TTC28: variants seen among roughly 807,000 people sequenced by gnomAD.
TTC28 encodes the protein tetratricopeptide repeat protein 28.
Under a neutral mutation model 198.0 loss-of-function variants are expected in TTC28, and 61 were observed. The observed-to-expected ratio is 0.31, with a 90% CI of 0.25 to 0.38. TTC28 has a LOEUF of 0.38. Ranked by LOEUF, TTC28 falls within the 10% of genes least tolerant of loss-of-function variation. The pLI, the probability that TTC28 is intolerant of heterozygous loss-of-function variation, is 1.00. For missense variants in TTC28, 2,678 were observed against 3,164.0 expected (o/e 0.85, Z 3.69); for synonymous variants, 1,171 against 1,297.8 (o/e 0.90, Z 2.10).
chr22:28,399,405 C>G (rs1250100643), intron 2 of TTC28, among the ~76,000 whole-genome samples: 1 of 150,648 alleles, frequency 6.6e-6, no homozygotes, highest in Non-Finnish European at 1.5e-5. Flanking sequence ...CAGTCTTGAC[C>G]TCCCAGGCTC....
chr22:28,296,340 T>TA lies in TTC28; in HGVS notation c.803-13_803-12insT. The TA allele has an allele frequency of 1.3e-6, 2 of 1,493,058 alleles. No homozygotes were observed. The highest frequency in any genetic ancestry group is 2.5e-5 in the East Asian group (1 of 40,432). The allele number at this position is 1,493,058 out of a possible 1,614,324, so 92.5% of individuals were successfully genotyped here. The stretch of plus-strand genomic sequence containing the variant: ...TCCTGTCTGGTCACCTGGATTGAAT[T>TA]GAGAAAAAAAAAAAGAAAAAATTTC... On this transcript the variant is annotated splice_polypyrimidine_tract_variant and intron_variant, in intron 4 of 22. Transcript: ENST00000397906.
At chr22:28,129,142 C>A (rs1000455027) in intron 6 of TTC28, among the ~76,000 whole-genome samples, 2 of 152,176 alleles carry the variant, frequency 1.3e-5, no homozygotes, top group Non-Finnish European at 2.9e-5. Context: ...CCAATGACAG[C>A]AATCTCAAAG....
At chr22:28,136,968 A>G (rs140635755) in intron 6 of TTC28, among the ~76,000 whole-genome samples, 140 of 152,310 alleles carry the variant, frequency 9.2e-4, no homozygotes, top group Middle Eastern at 3.4e-3. Context: ...TTCCACTGGA[A>G]AACAAGTATA....
At chr22:28,329,111 C>T (rs919164104) in intron 2 of TTC28, among the ~76,000 whole-genome samples, 1 of 152,104 alleles carries the variant, frequency 6.6e-6, no homozygotes, top group African/African-American at 2.4e-5. Flanking sequence ...CATGCTGCAT[C>T]CGACTTTCTT....
chr22:28,032,222 TATATATATATAAA>T (rs1177725883), intron 12 of TTC28, among the ~76,000 whole-genome samples: 14 of 122,446 alleles, frequency 1.1e-4, no homozygotes, highest in East Asian at 6.8e-4. Flanking sequence ...ATATATAAAA[TATATATATATAAA>T]ATATATATAT....
At chr22:28,021,168 C>T (rs1370056123) in intron 13 of TTC28, among the ~76,000 whole-genome samples, 2 of 152,174 alleles carry the variant, frequency 1.3e-5, no homozygotes, top group Admixed American at 6.5e-5. Flanking sequence ...CTGGCTCAAG[C>T]CTGAAGATGA....
intron 14 of TTC28, among the ~76,000 whole-genome samples, chr22:28,004,700 C>T (rs1937864128): frequency 6.6e-6 from 1 of 152,140 alleles, no homozygotes; most frequent in African/African-American, 2.4e-5. Flanking sequence ...TGACAGCTGC[C>T]GTTCAAAGGG....
intron 13 of TTC28, among the ~76,000 whole-genome samples, chr22:28,024,693 T>C (rs1447695091): frequency 6.6e-6 from 1 of 152,180 alleles, no homozygotes; most frequent in Non-Finnish European, 1.5e-5. Flanking sequence ...CTTGGGGCAA[T>C]TCACCTTGCT....
In TTC28 at chr22:28,321,581, C is replaced by T. The variant is rs532622654; in HGVS notation, c.382-14938G>A. On this transcript the variant is annotated intron_variant, in intron 2 of 22. Transcript: ENST00000397906. Reference sequence around the variant, plus strand: ...TGATTTGGGGCAAGTTTTGTAACCACCTCTTTTGTGCAATAGTCATCATAA... The same window carrying T: ...TGATTTGGGGCAAGTTTTGTAACCATCTCTTTTGTGCAATAGTCATCATAA... 4.6e-5 allele frequency among the ~76,000 whole-genome samples: 7 copies of T among 152,232 alleles called. No individual in the cohort carries two copies. In the East Asian group the frequency reaches 1.4e-3, roughly 29 times the overall value.
intron 1 of TTC28, among the ~76,000 whole-genome samples, chr22:28,675,014 T>C (rs569585241): frequency 4.6e-5 from 7 of 152,102 alleles, no homozygotes; most frequent in Non-Finnish European, 7.4e-5. Flanking sequence ...AATGAAACAG[T>C]GTAGTACTGG....
intron 12 of TTC28, among the ~76,000 whole-genome samples, chr22:28,062,340 C>T (rs1028068804): frequency 6.6e-6 from 1 of 151,538 alleles, no homozygotes; most frequent in South Asian, 2.1e-4. Context: ...GGACTACAGG[C>T]ATGAGCTGCT....
intron 2 of TTC28, among the ~76,000 whole-genome samples, chr22:28,587,876 T>C (rs2050344934): frequency 2.0e-5 from 3 of 152,052 alleles, no homozygotes; most frequent in Admixed American, 2.0e-4. Context: ...GTGCAGTGGC[T>C]CAAGCCTGTA....
At chr22:28,464,092 G>A (rs2047986479) in intron 2 of TTC28, among the ~76,000 whole-genome samples, 2 of 152,094 alleles carry the variant, frequency 1.3e-5, no homozygotes, top group South Asian at 4.1e-4. Flanking sequence ...AATTACAACA[G>A]CACCAGTAAG....
At chr22:28,111,138 T>C (rs893827932) in intron 6 of TTC28, among the ~76,000 whole-genome samples, 4 of 152,158 alleles carry the variant, frequency 2.6e-5, no homozygotes, top group Non-Finnish European at 5.9e-5. Flanking sequence ...AATTGTAGTT[T>C]TTTTTGTCTT....
intron 2 of TTC28, among the ~76,000 whole-genome samples, chr22:28,472,792 C>T (rs2146303533): frequency 6.6e-6 from 1 of 151,862 alleles, no homozygotes; most frequent in East Asian, 1.9e-4. Flanking sequence ...TAGAAAAGGC[C>T]CACCAAGTGA....
At chr22:28,181,261 A>C (rs1463495177) in intron 5 of TTC28, among the ~76,000 whole-genome samples, 2 of 152,242 alleles carry the variant, frequency 1.3e-5, no homozygotes, top group Non-Finnish European at 2.9e-5. Context: ...CACAGCATTA[A>C]TACAGCAATG....
intron 2 of TTC28, among the ~76,000 whole-genome samples, chr22:28,594,503 G>C (rs565728654): frequency 6.8e-6 from 1 of 148,062 alleles, no homozygotes; most frequent in Non-Finnish European, 1.5e-5. Flanking sequence ...TTATCCTTTG[G>C]TACCCTGGGG....
At chr22:28,165,427 A>G (rs1921812369) in intron 5 of TTC28, among the ~76,000 whole-genome samples, 1 of 151,928 alleles carries the variant, frequency 6.6e-6, no homozygotes, top group South Asian at 2.1e-4. Flanking sequence ...GCAGCCAGAG[A>G]GAAAGGTCGG....
At chr22:28,093,102 G>A (rs529742859) in intron 12 of TTC28, among the ~76,000 whole-genome samples, 1 of 152,258 alleles carries the variant, frequency 6.6e-6, no homozygotes, top group South Asian at 2.1e-4. Flanking sequence ...TGAAGGGGTT[G>A]GACTAGATGA....
Sources: gnomAD v4.1 joint callset for allele counts (sites outside exome capture counted in the v4.1 genomes callset) on GRCh38, gnomAD v4.1.1 for gene constraint, MANE v1.5 for transcripts, NCBI Gene and HGNC (gene_info 2026-07-23, HGNC 2026-07-21) for gene names.